The following VWC2 variants were observed in gnomAD, a reference collection of about 807,000 sequenced individuals.
VWC2 encodes brorin.
In VWC2, 14 loss-of-function variants were observed where a neutral mutation model predicts 29.8. That is an observed-to-expected ratio of 0.47 (90% CI 0.31 to 0.74). The LOEUF (loss-of-function observed/expected upper bound fraction) is 0.74. Among genes scored for constraint, VWC2 ranks in the 30% least tolerant of loss-of-function variants. The pLI is 0.05. For missense variants in VWC2, 457 were observed against 459.8 expected (o/e 0.99, Z 0.05); for synonymous variants, 213 against 199.0 (o/e 1.07, Z -0.59).
chr7:49,780,789 A>T (rs1788156229), intron 2 of VWC2, among the ~76,000 whole-genome samples: 1 of 152,242 alleles, frequency 6.6e-6, no homozygotes, highest in South Asian at 2.1e-4. Context: ...GATAACAGGA[A>T]GGGGTACTTG....
rs1176325805 is a variant in VWC2 at position 49,871,037 on chromosome 7, A to G, written c.827-40997A>G. Among the ~76,000 whole-genome samples, 78 of 152,230 alleles carry G rather than the reference A, an allele frequency of 5.1e-4. 1 individual carries two copies. Among genetic ancestry groups the G allele is most frequent in the Non-Finnish European group, 5.9e-5 (4 of 68,030 alleles). On this transcript the variant is annotated intron_variant, in intron 3 of 3. Transcript: ENST00000340652. ...TGCAAAACCATGAAAAGTATTCCAC[A>G]GAACCAATAAATTGGAGAATTCAAC...
intron 3 of VWC2, among the ~76,000 whole-genome samples, chr7:49,874,223 C>T (rs977537842): frequency 6.6e-6 from 1 of 152,166 alleles, no homozygotes; most frequent in South Asian, 2.1e-4. Context: ...AACCACATTT[C>T]GGTCAACTAT....
In VWC2 at chr7:49,858,515, C is replaced by G. The variant is rs866305921; in HGVS notation, c.827-53519C>G. 3.7e-5 allele frequency among the ~76,000 whole-genome samples: 5 copies of G among 135,112 alleles called. No individual in the cohort carries two copies. The East Asian group carries it at 1.1e-3, about 30-fold the overall frequency. The allele number at this position is 135,112 out of a possible 152,430, so 88.6% of individuals were successfully genotyped here. ...GTGGGAATTGAACAATGACAACACA[C>G]GGACACAGGAAGGGGAACATCACAC... On this transcript the variant is annotated intron_variant, in intron 3 of 3. Coordinates refer to ENST00000340652, the MANE Select transcript of VWC2 (RefSeq NM_198570.5).
intron 3 of VWC2, among the ~76,000 whole-genome samples, chr7:49,880,662 T>C (rs934015224): frequency 1.3e-5 from 2 of 151,972 alleles, no homozygotes; most frequent in Non-Finnish European, 2.9e-5. Context: ...GTGGGGAACA[T>C]CACACACCGG....
chr7:49,856,964 C>G (rs370540103), intron 3 of VWC2, among the ~76,000 whole-genome samples: 10 of 124,528 alleles, frequency 8.0e-5, no homozygotes, highest in Admixed American at 2.1e-4. Context: ...GAGCTGAGAT[C>G]GGGCCACTGC....
chr7:49,870,628 A>G (rs1160666303), intron 3 of VWC2, among the ~76,000 whole-genome samples: 3 of 152,204 alleles, frequency 2.0e-5, no homozygotes, highest in Non-Finnish European at 4.4e-5. Flanking sequence ...AGCTGAGGCT[A>G]TAGCTCACAT....
intron 3 of VWC2, among the ~76,000 whole-genome samples, chr7:49,880,570 C>T (rs923830560): frequency 1.3e-5 from 2 of 150,896 alleles, no homozygotes; most frequent in African/African-American, 4.9e-5. Flanking sequence ...TTTATCATTT[C>T]TATTTTTTAT....
At chr7:49,777,689 T>A (rs958352535) in intron 2 of VWC2, among the ~76,000 whole-genome samples, 1 of 152,086 alleles carries the variant, frequency 6.6e-6, no homozygotes, top group Non-Finnish European at 1.5e-5. Context: ...ATTAACTAAA[T>A]CAGAAACCCT....
intron 1 of VWC2, 139 bp downstream of exon 1, chr7:49,774,252 G>T: frequency 6.5e-6 from 1 of 152,768 alleles, no homozygotes; most frequent in Non-Finnish European, 1.5e-5. Flanking sequence ...GTGAATATGG[G>T]CGCTTCGCCC....
chr7:49,886,800 A>T (rs900193543), intron 3 of VWC2, among the ~76,000 whole-genome samples: 8 of 152,226 alleles, frequency 5.3e-5, no homozygotes, highest in African/African-American at 1.7e-4. Context: ...TTTGACACAC[A>T]ACACTTTGGT....
At position 49,814,761 on chromosome 7, in the gene VWC2, G is replaced by A. The variant is rs188920079; in HGVS notation, c.826+11921G>A. 3.2e-3 allele frequency among the ~76,000 whole-genome samples: 484 copies of A among 152,274 alleles called. 1 individual carries two copies. Among genetic ancestry groups the A allele is most frequent in the Middle Eastern group, 0.014 (4 of 294 alleles). On this transcript the variant is annotated intron_variant, in intron 3 of 3. Coordinates refer to ENST00000340652, the MANE Select transcript of VWC2 (RefSeq NM_198570.5). Reference sequence around the variant, plus strand: ...CAAAGACTGGTGTCCACTAGGCATGGCCATTACCAGTTACACTGTGCCTCT... The same window carrying A: ...CAAAGACTGGTGTCCACTAGGCATGACCATTACCAGTTACACTGTGCCTCT...
At position 49,917,816 on chromosome 7, in the gene VWC2, A is replaced by G. The variant is rs1322941492; in HGVS notation, c.*5631A>G. 2.8e-5 allele frequency: 4 copies of G among 142,774 alleles called. No individual in the cohort carries two copies. Among genetic ancestry groups the G allele is most frequent in the Middle Eastern group, 3.5e-3 (1 of 286 alleles). The allele number at this position is 142,774 out of a possible 1,614,324, so 8.8% of individuals were successfully genotyped here. ...GAATTTCTGTAATTTATGTTTTAGA[A>G]AGAACTGTTTCCAAACACATTTTAT... On this transcript the variant is annotated 3_prime_UTR_variant, in exon 4 of 4. Coordinates refer to ENST00000340652, the MANE Select transcript of VWC2 (RefSeq NM_198570.5).
At chr7:49,824,136 T>C (rs1305316708) in intron 3 of VWC2, among the ~76,000 whole-genome samples, 1 of 152,190 alleles carries the variant, frequency 6.6e-6, no homozygotes, top group Admixed American at 6.5e-5. Context: ...AATTTTTCTT[T>C]TATGGCTTAC....
intron 2 of VWC2, among the ~76,000 whole-genome samples, chr7:49,788,680 T>A (rs1428201585): frequency 8.7e-6 from 1 of 114,706 alleles, no homozygotes; most frequent in Non-Finnish European, 1.6e-5. Flanking sequence ...TCTGTGAGTG[T>A]GGGTGTGTGA....
intron 3 of VWC2, among the ~76,000 whole-genome samples, chr7:49,804,563 C>CT (rs986834845): frequency 4.2e-4 from 64 of 152,264 alleles, no homozygotes; most frequent in African/African-American, 1.5e-3. Context: ...TGATTATAGA[C>CT]TAAGTCTTGG....
chr7:49,775,816 C>CGG lies in VWC2; in HGVS notation c.381_382insGG (p.Gln128GlyfsTer159). On this transcript the variant is annotated frameshift_variant, in exon 2 of 4. Transcript: ENST00000340652. LOFTEE classifies it high-confidence loss of function. ...AGGCGGAAGCCCTGGCCGCAGCCGC[C>CGG]CAGGACGCGATTGGCCCGGAACTCG... is the stretch of plus-strand genomic sequence containing the variant. The CGG allele has an allele frequency of 6.5e-7, 1 of 1,542,074 alleles. No individual in the cohort carries two copies. Among genetic ancestry groups the CGG allele is most frequent in the Non-Finnish European group, 8.7e-7 (1 of 1,143,910 alleles).
At chr7:49,882,409 T>C (rs1234166770) in intron 3 of VWC2, among the ~76,000 whole-genome samples, 2 of 152,204 alleles carry the variant, frequency 1.3e-5, no homozygotes, top group Non-Finnish European at 2.9e-5. Flanking sequence ...TTTTGTCTTC[T>C]CTTTTAGTCT....
At chr7:49,870,473 T>G (rs1791103379) in intron 3 of VWC2, among the ~76,000 whole-genome samples, 1 of 152,160 alleles carries the variant, frequency 6.6e-6, no homozygotes, top group Admixed American at 6.5e-5. Context: ...GATAAGTAAA[T>G]TTTACCAACC....
At chr7:49,859,249 G>A (rs985708839) in intron 3 of VWC2, among the ~76,000 whole-genome samples, 1 of 152,132 alleles carries the variant, frequency 6.6e-6, no homozygotes, top group African/African-American at 2.4e-5. Flanking sequence ...CATTTGGGGG[G>A]TTCTTCTTTT....
Sources: gnomAD v4.1 joint callset for allele counts (sites outside exome capture counted in the v4.1 genomes callset) on GRCh38, gnomAD v4.1.1 for gene constraint, MANE v1.5 for transcripts, NCBI Gene and HGNC (gene_info 2026-07-23, HGNC 2026-07-21) for gene names.